OOSP3: variants seen among roughly 807,000 people sequenced by gnomAD.
OOSP3 encodes oocyte-secreted protein 3.
intron 4 of OOSP3, 34 bp from the exon 5 acceptor site, chr11:59,896,099 C>G (rs1450600724): frequency 7.5e-6 from 3 of 398,112 alleles, no homozygotes; most frequent in Non-Finnish European, 1.3e-5. Flanking sequence ...ACATTGGAAA[C>G]TTTTTATTAA....
intron 2 of OOSP3, among the ~76,000 whole-genome samples, chr11:59,885,640 G>T (rs1441838823): frequency 6.6e-6 from 1 of 152,188 alleles, no homozygotes; most frequent in Non-Finnish European, 1.5e-5. Flanking sequence ...TCCCAGCAGA[G>T]TACATGATCT....
At chr11:59,893,849 G>A (rs1216928692) in intron 2 of OOSP3, among the ~76,000 whole-genome samples, 1 of 152,162 alleles carries the variant, frequency 6.6e-6, no homozygotes, top group Non-Finnish European at 1.5e-5. Flanking sequence ...TTACAATCTT[G>A]TTATTTTATT....
chr11:59,894,033 C>G (rs1165025299), intron 2 of OOSP3, 46 bp from the exon 3 acceptor site: 11 of 398,018 alleles, frequency 2.8e-5, no homozygotes, highest in Admixed American at 4.4e-5. Flanking sequence ...CTTTAAAACT[C>G]CTGTGTGACA....
At chr11:59,892,075 C>T (rs1461419504) in intron 2 of OOSP3, among the ~76,000 whole-genome samples, 2 of 152,188 alleles carry the variant, frequency 1.3e-5, no homozygotes, top group Admixed American at 1.3e-4. Flanking sequence ...ACTCCTGCAG[C>T]TCAGTGCCTG....
intron 2 of OOSP3, 109 bp downstream of exon 2, chr11:59,880,548 TA>T (rs1471555436): frequency 2.5e-6 from 1 of 396,670 alleles, no homozygotes; most frequent in African/African-American, 2.1e-5. Context: ...TGAATTACTT[TA>T]ATTTGGTACT....
chr11:59,893,261 AT>A (rs1410985989), intron 2 of OOSP3, among the ~76,000 whole-genome samples: 1 of 152,228 alleles, frequency 6.6e-6, no homozygotes, highest in East Asian at 1.9e-4. Context: ...TCAATAAGAC[AT>A]TTTTGTAAAA....
At chr11:59,882,640 A>G (rs1337611039) in intron 2 of OOSP3, among the ~76,000 whole-genome samples, 2 of 152,218 alleles carry the variant, frequency 1.3e-5, no homozygotes, top group African/African-American at 4.8e-5. Context: ...AGTAGCAGAC[A>G]TGGATTAGGA....
intron 2 of OOSP3, among the ~76,000 whole-genome samples, chr11:59,888,199 G>T (rs751634003): frequency 4.6e-5 from 7 of 152,134 alleles, no homozygotes; most frequent in East Asian, 1.9e-4. Context: ...AGAAGCTTTT[G>T]GCTGAGTCCA....
chr11:59,891,845 G>A (rs1159070771), intron 2 of OOSP3, among the ~76,000 whole-genome samples: 6 of 152,210 alleles, frequency 3.9e-5, no homozygotes, highest in Admixed American at 3.9e-4. Context: ...AGTAATTGTG[G>A]TGGCCCCTCC....
At chr11:59,878,789 A>G (rs2134523171), upstream of OOSP3, 1 of 398,538 alleles carries the variant, frequency 2.5e-6, no homozygotes, top group African/African-American at 2.1e-5. Context: ...TTCAGGGGTC[A>G]TTAGTTGGCA....
chr11:59,881,986 C>CA (rs1335640965), intron 2 of OOSP3, among the ~76,000 whole-genome samples: 1 of 152,218 alleles, frequency 6.6e-6, no homozygotes, highest in Non-Finnish European at 1.5e-5. Context: ...TGATTTCCTT[C>CA]AATATGCTGT....
chr11:59,882,169 A>G (rs908482385), intron 2 of OOSP3, among the ~76,000 whole-genome samples: 14 of 152,224 alleles, frequency 9.2e-5, no homozygotes, highest in African/African-American at 3.4e-4. Context: ...AATATGAGAC[A>G]CTAAGAGAGG....
intron 2 of OOSP3, among the ~76,000 whole-genome samples, chr11:59,891,967 G>A (rs1853316354): frequency 6.6e-6 from 1 of 152,210 alleles, no homozygotes; most frequent in Non-Finnish European, 1.5e-5. Flanking sequence ...GATCCGCTGA[G>A]CAAGGCTACT....
chr11:59,894,914 TA>T (rs1256269890), intron 3 of OOSP3, among the ~76,000 whole-genome samples: 1 of 152,100 alleles, frequency 6.6e-6, no homozygotes, highest in Non-Finnish European at 1.5e-5. Context: ...AAGATCAAAT[TA>T]AAAAACTCTT....
chr11:59,890,198 A>G (rs568695055), intron 2 of OOSP3, among the ~76,000 whole-genome samples: 1 of 152,280 alleles, frequency 6.6e-6, no homozygotes, highest in South Asian at 2.1e-4. Flanking sequence ...TCTCTTGAAT[A>G]CAGCACACCA....
At chr11:59,878,817 T>C (rs1853176307) in exon 1 of OOSP3, 1 of 398,376 alleles carries the variant, frequency 2.5e-6, no homozygotes, top group Non-Finnish European at 4.4e-6. Flanking sequence ...TCATGAAAGA[T>C]TTTGTGAGGT....
At chr11:59,890,618 G>A (rs1328722992) in intron 2 of OOSP3, among the ~76,000 whole-genome samples, 1 of 152,132 alleles carries the variant, frequency 6.6e-6, no homozygotes, top group Non-Finnish European at 1.5e-5. Context: ...AATCTCTTTT[G>A]GCTTATAGGG....
chr11:59,895,404 A>G (rs947658142), intron 3 of OOSP3, 98 bp from the exon 4 acceptor site: 7 of 393,890 alleles, frequency 1.8e-5, no homozygotes, highest in Admixed American at 4.4e-5. Context: ...GCTAAAGTAG[A>G]AGGAAAAAAA....
At chr11:59,884,312 C>T (rs1014970786) in intron 2 of OOSP3, among the ~76,000 whole-genome samples, 1 of 152,022 alleles carries the variant, frequency 6.6e-6, no homozygotes, top group Non-Finnish European at 1.5e-5. Flanking sequence ...TTGTTCATTG[C>T]TAGTGTACAG....
Sources: allele counts gnomAD v4.1 joint callset (sites outside exome capture counted in the v4.1 genomes callset), GRCh38; gene constraint gnomAD v4.1.1; transcripts MANE v1.5; gene names NCBI Gene and HGNC (gene_info 2026-07-23, HGNC 2026-07-21).